The following TK2 variants were observed in gnomAD, a reference collection of about 807,000 sequenced individuals.
TK2 encodes thymidine kinase 2, also known as thymidine kinase 2, mitochondrial.
In TK2, 35 loss-of-function variants were observed where a neutral mutation model predicts 41.9. The observed-to-expected ratio is 0.84, with a 90% CI of 0.64 to 1.11. The LOEUF is 1.11. Ranked by LOEUF, TK2 falls within the 50% of genes least tolerant of loss-of-function variation. The probability of loss-of-function intolerance (pLI) is 0.00; values close to 1 mark genes in which losing one functional copy is unlikely to be tolerated. For synonymous variants in TK2, 128 were observed against 129.1 expected (o/e 0.99, Z 0.06); for missense variants, 320 against 351.1 (o/e 0.91, Z 0.71).
chr16:66,540,190 T>TTTTTTTTTTTTTTTTTTTC (rs1965417579), intron 3 of TK2, among the ~76,000 whole-genome samples: 1 of 143,062 alleles, frequency 7.0e-6, no homozygotes. Flanking sequence ...TTTTTTTTTT[T>TTTTTTTTTTTTTTTTTTTC]GAGACAGGGC....
At chr16:66,536,000 T>TG (rs1965264898) in intron 4 of TK2, among the ~76,000 whole-genome samples, 1 of 152,090 alleles carries the variant, frequency 6.6e-6, no homozygotes, top group Non-Finnish European at 1.5e-5. Context: ...GGTCAGGAGA[T>TG]GGAGACCATC....
At chr16:66,528,039 A>C (rs866156753) in intron 6 of TK2, among the ~76,000 whole-genome samples, 2 of 152,178 alleles carry the variant, frequency 1.3e-5, no homozygotes, top group African/African-American at 4.8e-5. Context: ...CTCAAAAAAC[A>C]AAAACCAAAA....
chr16:66,542,904 C>T (rs1965499355), intron 2 of TK2, among the ~76,000 whole-genome samples: 1 of 152,182 alleles, frequency 6.6e-6, no homozygotes, highest in African/African-American at 2.4e-5. Flanking sequence ...CAGAGTTTCA[C>T]TCTTGTTGCC....
intron 4 of TK2, among the ~76,000 whole-genome samples, chr16:66,534,341 G>A (rs143892882): frequency 2.6e-5 from 4 of 152,310 alleles, no homozygotes; most frequent in Admixed American, 6.5e-5. Flanking sequence ...CGTTCAAGTC[G>A]TTCAGTGAAT....
chr16:66,521,936 AG>A (rs1304345206), intron 6 of TK2, among the ~76,000 whole-genome samples: 1 of 152,240 alleles, frequency 6.6e-6, no homozygotes, highest in Non-Finnish European at 1.5e-5. Context: ...CCTGAGGCCA[AG>A]AGAGCCCCCC....
chr16:66,523,216 A>G (rs1964833729), intron 6 of TK2, among the ~76,000 whole-genome samples: 1 of 152,150 alleles, frequency 6.6e-6, no homozygotes, highest in Non-Finnish European at 1.5e-5. Context: ...AGAGGGAGAA[A>G]AAGATCAACC....
chr16:66,513,972 C>T lies in TK2; in HGVS notation c.619-161G>A, dbSNP rs59013184. 1.3e-3 allele frequency: 916 copies of T among 701,220 alleles called. 7 individuals are homozygous for T. The African/African-American group carries it at 0.014, about 10-fold the overall frequency. The allele number at this position is 701,220 out of a possible 1,614,324, so 43.4% of individuals were successfully genotyped here. On this transcript the variant is annotated intron_variant, in intron 8 of 9. Coordinates refer to ENST00000544898, the MANE Select transcript of TK2 (RefSeq NM_004614.5). Reference sequence around the variant, plus strand: ...CCTGGCTCAAGTGGACAGCGGCAGACGCAGCCACACACTCGGTGGCCAGGC... The same window carrying T: ...CCTGGCTCAAGTGGACAGCGGCAGATGCAGCCACACACTCGGTGGCCAGGC...
intron 2 of TK2, among the ~76,000 whole-genome samples, chr16:66,544,877 A>G (rs1222459795): frequency 1.3e-5 from 2 of 152,154 alleles, no homozygotes; most frequent in Non-Finnish European, 2.9e-5. Flanking sequence ...ATTTGAGGTC[A>G]GGAGATCAAG....
At position 66,511,918 on chromosome 16, in the gene TK2, C is replaced by A; in HGVS notation, c.*50G>T. On this transcript the variant is annotated 3_prime_UTR_variant, in exon 10 of 10. Coordinates refer to ENST00000544898, the MANE Select transcript of TK2 (RefSeq NM_004614.5). ...TTTCCAGATTGCTCCCAATAGCTAACTTGGCAGCAGCAGGCATTTTTCAGA... is the reference window on the plus strand; with the variant it reads ...TTTCCAGATTGCTCCCAATAGCTAAATTGGCAGCAGCAGGCATTTTTCAGA... 6.4e-7 allele frequency: 1 copy of A among 1,566,026 alleles called. No individual in the cohort carries two copies. The highest frequency in any genetic ancestry group is 1.1e-5 in the South Asian group (1 of 90,092).
chr16:66,521,931 G>C (rs1964792182), intron 6 of TK2, among the ~76,000 whole-genome samples: 1 of 152,206 alleles, frequency 6.6e-6, no homozygotes, highest in Non-Finnish European at 1.5e-5. Context: ...CCTTCCCTGA[G>C]GCCAAGAGAG....
chr16:66,534,180 C>T (rs1313472200), intron 4 of TK2, among the ~76,000 whole-genome samples: 1 of 152,072 alleles, frequency 6.6e-6, no homozygotes, highest in African/African-American at 2.4e-5. Context: ...CACCCTGTAC[C>T]ACCTGGGGAC....
chr16:66,534,903 A>C (rs1200055495), intron 4 of TK2, among the ~76,000 whole-genome samples: 1 of 152,174 alleles, frequency 6.6e-6, no homozygotes, highest in Non-Finnish European at 1.5e-5. Context: ...GGGTTGTCTC[A>C]AACTCCTGGC....
In TK2 at chr16:66,514,404, G is replaced by T. The variant is rs1433219488; in HGVS notation, c.619-593C>A. 1.3e-5 allele frequency among the ~76,000 whole-genome samples: 2 copies of T among 152,234 alleles called. No homozygotes were observed. The highest frequency in any genetic ancestry group is 2.9e-5 in the Non-Finnish European group (2 of 68,036). On this transcript the variant is annotated intron_variant, in intron 8 of 9. Coordinates refer to ENST00000544898, the MANE Select transcript of TK2 (RefSeq NM_004614.5). This position sits in a 1 kb window ranked among gnomAD's most constrained non-coding sequence, Gnocchi z 4.2. ...CCGAGGTGCCGGGATTGCAGACGGA[G>T]TCTGGTTCACTCAGTGCTCAATGTT...
chr16:66,526,652 T>C (rs1964940768), intron 6 of TK2, among the ~76,000 whole-genome samples: 1 of 152,118 alleles, frequency 6.6e-6, no homozygotes, highest in Non-Finnish European at 1.5e-5. Context: ...TTCAGGAGGC[T>C]GAGGTAGGAG....
rs774501127 is a variant in TK2, at chr16:66,531,464, C to G, written c.291G>C (p.Leu97=). The change falls in exon 5 of 10, where the codon CTG becomes CTC. Residue 97 remains leucine (L), a synonymous_variant. Coordinates refer to ENST00000544898, the MANE Select transcript of TK2 (RefSeq NM_004614.5). ...RNVRGHNPLG[L]MYHDASRWGL... ...CCCAGCGAGAGGCATCGTGGTACAT[C>G]AGGCCCTGCAGAAGGGAAAACACAG... 1 of 1,614,170 alleles carries G rather than the reference C, an allele frequency of 6.2e-7. No homozygotes were observed. Among genetic ancestry groups the G allele is most frequent in the Non-Finnish European group, 8.5e-7 (1 of 1,180,014 alleles).
chr16:66,534,942 C>T (rs1433805436), intron 4 of TK2, among the ~76,000 whole-genome samples: 3 of 152,206 alleles, frequency 2.0e-5, no homozygotes, highest in East Asian at 1.9e-4. Context: ...CTTGGCCTCC[C>T]AAAGTGCTGG....
chr16:66,541,864 G>A lies in TK2; in HGVS notation c.231+15C>T, dbSNP rs1306269118. 2 of 1,613,822 alleles carry A rather than the reference G, an allele frequency of 1.2e-6. No homozygotes were observed. The highest frequency in any genetic ancestry group is 1.7e-5 in the Admixed American group (1 of 60,012). ...GCTTTCTCCGCTTCCTTCAAACCTA[G>A]CATAGAGGCTGTACCTCGACGTCTG... is the stretch of plus-strand genomic sequence containing the variant. On this transcript the variant is annotated intron_variant, in intron 3 of 9. Coordinates refer to ENST00000544898, the MANE Select transcript of TK2 (RefSeq NM_004614.5).
At chr16:66,543,722 T>A (rs1019932302) in intron 2 of TK2, among the ~76,000 whole-genome samples, 1 of 152,084 alleles carries the variant, frequency 6.6e-6, no homozygotes, top group Non-Finnish European at 1.5e-5. Context: ...ACACCTCACA[T>A]AAACACCAGG....
intron 6 of TK2, among the ~76,000 whole-genome samples, chr16:66,527,141 G>C (rs1964958528): frequency 6.6e-6 from 1 of 152,238 alleles, no homozygotes; most frequent in Admixed American, 6.5e-5. Flanking sequence ...TGGAAACCCA[G>C]GTTGTCAGGT....
Sources: gnomAD v4.1 joint callset for allele counts (sites outside exome capture counted in the v4.1 genomes callset) on GRCh38, gnomAD v4.1.1 for gene constraint, Gnocchi (gnomAD v3.1) non-coding constraint, MANE v1.5 for transcripts, NCBI Gene and HGNC (gene_info 2026-07-23, HGNC 2026-07-21) for gene names.